SMIM7: variants seen among roughly 807,000 people sequenced by gnomAD.
SMIM7 encodes UPF0608 protein C19orf42.
A neutral mutation model predicts 13.3 loss-of-function variants in SMIM7; 12 were observed. The observed-to-expected ratio is 0.90, with a 90% confidence interval of 0.58 to 1.46. The LOEUF is 1.46. SMIM7 is among the 40% of genes most tolerant of loss of function. The probability of loss-of-function intolerance (pLI) is 0.00; values close to 1 mark genes in which losing one functional copy is unlikely to be tolerated. For missense variants in SMIM7, 114 were observed against 94.8 expected, an observed-to-expected ratio of 1.20 and a Z score of -0.84; for synonymous variants, 36 against 35.8, an observed-to-expected ratio of 1.01 and a Z score of -0.02.
downstream of SMIM7, chr19:16,641,119 A>T (rs943861362): frequency 1.3e-5 from 2 of 152,088 alleles, no homozygotes; most frequent in Admixed American, 1.3e-4. Context: ...TCTCCATCAC[A>T]CCCTAGTTGA....
chr19:16,658,356 GAATT>G (rs2086623462), intron 3 of SMIM7, among the ~76,000 whole-genome samples: 1 of 152,224 alleles, frequency 6.6e-6, no homozygotes, highest in African/African-American at 2.4e-5. Flanking sequence ...GTGAATGAAA[GAATT>G]AATGAATGGA....
chr19:16,650,903 T>C (rs2086516164), intron 4 of SMIM7, among the ~76,000 whole-genome samples: 1 of 152,158 alleles, frequency 6.6e-6, no homozygotes, highest in Non-Finnish European at 1.5e-5. Flanking sequence ...GGTTACTGCA[T>C]GCACATTACA....
rs376518073 is a variant in SMIM7, at chr19:16,660,010, G to C, written c.27-10C>G. ...ATTCATCAGCAACGTCCTGCAGAGG[G>C]AGAATTACAGTTACTAGGGGCGCCC... On this transcript the variant is annotated splice_polypyrimidine_tract_variant and intron_variant, in intron 1 of 4. Transcript: ENST00000487416. 3.1e-6 allele frequency: 5 copies of C among 1,613,924 alleles called. No individual in the cohort carries two copies. The African/African-American group carries it at 6.7e-5, about 22-fold the overall frequency.
chr19:16,645,174 T>C (rs2086437121), downstream of SMIM7: 1 of 152,140 alleles, frequency 6.6e-6, no homozygotes, highest in Non-Finnish European at 1.5e-5. Context: ...CCAACCAGCA[T>C]CTGAAAAAGC....
chr19:16,650,376 A>G (rs549380078), intron 4 of SMIM7, among the ~76,000 whole-genome samples: 4 of 152,234 alleles, frequency 2.6e-5, no homozygotes, highest in Non-Finnish European at 5.9e-5. Context: ...CAGACTTTTC[A>G]TAACTTCTTA....
At chr19:16,641,421 C>T (rs2086403089), downstream of SMIM7, 1 of 151,888 alleles carries the variant, frequency 6.6e-6, no homozygotes, top group African/African-American at 2.4e-5. Context: ...GCCTCAGCCT[C>T]CCTAGTAACT....
intron 4 of SMIM7, among the ~76,000 whole-genome samples, chr19:16,635,906 A>ATC (rs2086357143): frequency 7.2e-6 from 1 of 139,290 alleles, no homozygotes; most frequent in Non-Finnish European, 1.6e-5. Flanking sequence ...AAAAATATAT[A>ATC]TATATATATA....
chr19:16,653,301 G>A (rs933848581), intron 4 of SMIM7, among the ~76,000 whole-genome samples: 9 of 152,206 alleles, frequency 5.9e-5, no homozygotes, highest in African/African-American at 2.2e-4. Flanking sequence ...CAGAAAGCAG[G>A]GCCGGGTGTG....
chr19:16,652,630 C>A, intron 4 of SMIM7: 1 of 1,329,056 alleles, frequency 7.5e-7, no homozygotes, highest in Non-Finnish European at 9.6e-7. Context: ...CCTGGGAATA[C>A]ATCACGGTCC....
At chr19:16,659,588 T>A in intron 2 of SMIM7, 141 bp from the exon 3 acceptor site, 1 of 813,868 alleles carries the variant, frequency 1.2e-6, no homozygotes, top group Non-Finnish European at 2.0e-6. Context: ...TGACGTTCAA[T>A]ACCCTTCTCT....
intron 2 of SMIM7, 148 bp from the exon 3 acceptor site, chr19:16,659,595 C>T (rs1456997803): frequency 2.6e-6 from 2 of 775,572 alleles, no homozygotes; most frequent in African/African-American, 1.7e-5. Flanking sequence ...CAATACCCTT[C>T]TCTGGGCCCC....
intron 4 of SMIM7, among the ~76,000 whole-genome samples, chr19:16,638,290 T>A (rs1334660173): frequency 6.9e-6 from 1 of 144,378 alleles, no homozygotes; most frequent in African/African-American, 2.6e-5. Flanking sequence ...ATTAAACCTC[T>A]TTTCTTTTTT....
At chr19:16,644,110 T>C (rs996060778), downstream of SMIM7, among the ~76,000 whole-genome samples, 91 of 150,612 alleles carry the variant, frequency 6.0e-4, no homozygotes, top group African/African-American at 2.1e-3. Flanking sequence ...AGGCTGGAAA[T>C]TGTTTGCGTT....
At chr19:16,659,887 C>T in intron 2 of SMIM7, 72 bp downstream of exon 2, 2 of 1,539,618 alleles carry the variant, frequency 1.3e-6, no homozygotes, top group Non-Finnish European at 1.7e-6. Context: ...AGAAGTGCGC[C>T]GAGATCACGC....
chr19:16,649,048 A>G (rs1349723434), intron 4 of SMIM7, among the ~76,000 whole-genome samples: 1 of 152,056 alleles, frequency 6.6e-6, no homozygotes, highest in Non-Finnish European at 1.5e-5. Context: ...TTTCATACCT[A>G]CTAGGATGAC....
intron 4 of SMIM7, among the ~76,000 whole-genome samples, chr19:16,650,679 C>T (rs2086512658): frequency 6.8e-6 from 1 of 147,418 alleles, no homozygotes; most frequent in South Asian, 2.1e-4. Flanking sequence ...CACTGCACTC[C>T]AGTCTGGGTG....
At chr19:16,652,875 C>T (rs2086546405) in intron 4 of SMIM7, 9 of 1,549,980 alleles carry the variant, frequency 5.8e-6, no homozygotes, top group Non-Finnish European at 7.8e-6. Context: ...AATCCATTTA[C>T]AGCAAATCTC....
At chr19:16,639,950 TTTG>T (rs2086393274) in intron 4 of SMIM7, 1 of 152,232 alleles carries the variant, frequency 6.6e-6, no homozygotes, top group South Asian at 2.1e-4. Context: ...CTTTCGGTTT[TTTG>T]TTTTTTTTTT....
chr19:16,647,446 AAAG>A (rs1240793941), intron 4 of SMIM7, among the ~76,000 whole-genome samples, 185 bp from the exon 5 acceptor site: 1 of 151,822 alleles, frequency 6.6e-6, no homozygotes, highest in Non-Finnish European at 1.5e-5. Flanking sequence ...TACACAGTTA[AAAG>A]AAGAATATAC....
Sources: allele counts gnomAD v4.1 joint callset (sites outside exome capture counted in the v4.1 genomes callset), GRCh38; gene constraint gnomAD v4.1.1; transcripts MANE v1.5; gene names NCBI Gene and HGNC (gene_info 2026-07-23, HGNC 2026-07-21).